KCNQ1: variants seen among roughly 807,000 people sequenced by gnomAD.
KCNQ1 encodes potassium voltage-gated channel subfamily Q member 1.
Under a neutral mutation model 72.4 loss-of-function variants are expected in KCNQ1, and 49 were observed. The ratio of observed to expected loss-of-function variants is 0.68; its 90% CI spans 0.54 to 0.86. The LOEUF (loss-of-function observed/expected upper bound fraction) is 0.86, where lower values mean the gene tolerates loss of function less well. Ranked by LOEUF, KCNQ1 falls within the 40% of genes least tolerant of loss-of-function variation. KCNQ1 has a pLI of 0.00. For missense variants in KCNQ1, 790 were observed against 945.1 expected, an observed-to-expected ratio of 0.84 and a Z score of 2.15; for synonymous variants, 450 against 412.6, an observed-to-expected ratio of 1.09 and a Z score of -1.10.
At chr11:2,542,321 G>T (rs555990415) in intron 2 of KCNQ1, among the ~76,000 whole-genome samples, 2 of 152,378 alleles carry the variant, frequency 1.3e-5, no homozygotes, top group South Asian at 4.1e-4. Flanking sequence ...GGCGGGGAAG[G>T]AAGTGCTAGG....
intron 10 of KCNQ1, chr11:2,660,256 C>A: frequency 2.5e-6 from 1 of 398,202 alleles, no homozygotes; most frequent in South Asian, 1.3e-4. Flanking sequence ...ATCATCTGTC[C>A]TATCAGGCAT....
At position 2,544,293 on chromosome 11, in the gene KCNQ1, T is replaced by TATATGTGTATATATGTATATATATAC. The variant is rs796223106; in HGVS notation, c.477+16275_477+16276insATATGTGTATATATGTATATATATAC. 2.3e-3 allele frequency among the ~76,000 whole-genome samples: 319 copies of TATATGTGTATATATGTATATATATAC among 136,480 alleles called. 12 individuals carry two copies. The highest frequency in any genetic ancestry group is 9.4e-3 in the African/African-American group (299 of 31,682). 89.5% of individuals were successfully genotyped at this position (136,480 alleles called of 152,430 possible). On this transcript the variant is annotated intron_variant, in intron 2 of 15. Coordinates refer to ENST00000155840, the MANE Select transcript of KCNQ1 (RefSeq NM_000218.3). The surrounding 1 kb of genome is among the most constrained non-coding windows in gnomAD (Gnocchi z 4.4). ...GTGTATATATATGTGTATATATATATGTATATATGTGTATATATGTATATA... is the reference window on the plus strand; with the variant it reads ...GTGTATATATATGTGTATATATATATATATGTGTATATATGTATATATATACGTATATATGTGTATATATGTATATA...
intron 11 of KCNQ1, among the ~76,000 whole-genome samples, chr11:2,739,047 A>T (rs1846004874): frequency 6.6e-6 from 1 of 152,192 alleles, no homozygotes; most frequent in South Asian, 2.1e-4. Context: ...GCTTTGAAAA[A>T]GGACTGACTT....
In KCNQ1 at chr11:2,565,542, G is replaced by A. The variant is rs182914138; in HGVS notation, c.478-5086G>A. Among the ~76,000 whole-genome samples the A allele has an allele frequency of 3.9e-5, 6 of 152,244 alleles. No homozygotes were observed. The highest frequency in any genetic ancestry group is 7.4e-5 in the Non-Finnish European group (5 of 68,018). On this transcript the variant is annotated intron_variant, in intron 2 of 15. Coordinates refer to ENST00000155840, the MANE Select transcript of KCNQ1 (RefSeq NM_000218.3). The surrounding 1 kb of genome is among the most constrained non-coding windows in gnomAD (Gnocchi z 5.6). ...ACACCTGAGAGCCAACTTATAACACGCCCCAGGATGGACATGGATTCACAC... is the reference window on the plus strand; with the variant it reads ...ACACCTGAGAGCCAACTTATAACACACCCCAGGATGGACATGGATTCACAC...
chr11:2,610,708 T>G, intron 10 of KCNQ1: 2 of 393,764 alleles, frequency 5.1e-6, no homozygotes, highest in Non-Finnish European at 8.9e-6. Flanking sequence ...CACAGTATTC[T>G]TGGTTGGCTT....
chr11:2,548,140 G>T (rs1272857581), intron 2 of KCNQ1, among the ~76,000 whole-genome samples: 1 of 152,192 alleles, frequency 6.6e-6, no homozygotes. Context: ...CCAGGCCCAG[G>T]ATAAGGTGGC....
chr11:2,805,384 C>G (rs1344082210), intron 15 of KCNQ1, among the ~76,000 whole-genome samples: 8 of 152,188 alleles, frequency 5.3e-5, no homozygotes, highest in African/African-American at 1.9e-4. Context: ...AGTGAAAACT[C>G]AAATCTATGA....
chr11:2,526,951 G>T lies in KCNQ1; in HGVS notation c.387-977G>T, dbSNP rs886779816. ...CTGGGGGCCATGTGGCCATCTCCTGGCTCTCCGGTCGCTGAGGATCCACGG... is the reference window on the plus strand; with the variant it reads ...CTGGGGGCCATGTGGCCATCTCCTGTCTCTCCGGTCGCTGAGGATCCACGG... On this transcript the variant is annotated intron_variant, in intron 1 of 15. Transcript: ENST00000155840. The surrounding 1 kb of genome is among the most constrained non-coding windows in gnomAD (Gnocchi z 6.1). 6.6e-6 allele frequency among the ~76,000 whole-genome samples: 1 copy of T among 152,242 alleles called. No homozygotes were observed. Among genetic ancestry groups the T allele is most frequent in the South Asian group, 2.1e-4 (1 of 4,828 alleles).
Position 2,478,682 on chromosome 11 carries a change from C to G in KCNQ1, c.386+33198C>G, listed in dbSNP as rs1258574303. Reference sequence around the variant, plus strand: ...TCACGATGAGATTTGGGTGGGGACACAGCCAAACCATATCATTCCACCCCG... The same window carrying G: ...TCACGATGAGATTTGGGTGGGGACAGAGCCAAACCATATCATTCCACCCCG... On this transcript the variant is annotated intron_variant, in intron 1 of 15. Coordinates refer to ENST00000155840, the MANE Select transcript of KCNQ1 (RefSeq NM_000218.3). The surrounding 1 kb of genome is among the most constrained non-coding windows in gnomAD (Gnocchi z 4.0). 6.6e-6 allele frequency among the ~76,000 whole-genome samples: 1 copy of G among 152,142 alleles called. No individual in the cohort carries two copies. The highest frequency in any genetic ancestry group is 2.4e-5 in the African/African-American group (1 of 41,424).
intron 10 of KCNQ1, chr11:2,643,255 G>C: frequency 2.5e-6 from 1 of 398,230 alleles, no homozygotes; most frequent in Non-Finnish European, 4.4e-6. Flanking sequence ...ACTGGAAATG[G>C]AGAATTGAAG....
chr11:2,517,773 G>T (rs729980), intron 1 of KCNQ1, among the ~76,000 whole-genome samples: 88,437 of 152,034 alleles, frequency 0.58, 26,252 homozygotes, highest in Non-Finnish European at 0.62. Flanking sequence ...CCTGCTGGGG[G>T]GGCCATGCCT....
At chr11:2,583,075 C>T (rs890574535) in intron 6 of KCNQ1, among the ~76,000 whole-genome samples, 3 of 152,174 alleles carry the variant, frequency 2.0e-5, no homozygotes, top group African/African-American at 7.2e-5. Flanking sequence ...GGCCGGCGCA[C>T]AGCAACGTCG....
Position 2,661,555 on chromosome 11 carries a change from TGA to T in KCNQ1, c.1394-404_1394-403del. On this transcript the variant is annotated intron_variant, in intron 10 of 15. Transcript: ENST00000155840. The surrounding 1 kb of genome is among the most constrained non-coding windows in gnomAD (Gnocchi z 5.9). ...CCTGACCCACTACTCTGTCAATGTA[TGA>T]GTGTGACAATGTATGGTGGTGGGAG... 1 of 534,676 alleles carries T rather than the reference TGA, an allele frequency of 1.9e-6. No homozygotes were observed. The highest frequency in any genetic ancestry group is 3.3e-6 in the Non-Finnish European group (1 of 301,978). The allele number at this position is 534,676 out of a possible 1,614,324, so 33.1% of individuals were successfully genotyped here. A position where few individuals can be genotyped will look rare whatever the true frequency, so the allele number is the denominator to read the frequency against.
chr11:2,826,184 G>A lies in KCNQ1; in HGVS notation c.1795-21583G>A, dbSNP rs1258911886. Among the ~76,000 whole-genome samples the A allele has an allele frequency of 1.3e-5, 2 of 152,228 alleles. No individual in the cohort carries two copies. The highest frequency in any genetic ancestry group is 4.8e-5 in the African/African-American group (2 of 41,468). On this transcript the variant is annotated intron_variant, in intron 15 of 15. Transcript: ENST00000155840. The surrounding 1 kb of genome is among the most constrained non-coding windows in gnomAD (Gnocchi z 4.2). ...CAGCCCGCAGCAGAACCTCTCCGAG[G>A]GAGTGCTATTGTTTTTCATGTCAGC...
In KCNQ1 at chr11:2,567,672, G is replaced by A. The variant is rs1477001581; in HGVS notation, c.478-2956G>A. On this transcript the variant is annotated intron_variant, in intron 2 of 15. Coordinates refer to ENST00000155840, the MANE Select transcript of KCNQ1 (RefSeq NM_000218.3). The surrounding 1 kb of genome is among the most constrained non-coding windows in gnomAD (Gnocchi z 6.6). ...CACCAGCCTAATTAACCTGACAAGC[G>A]GGGCCTCCCCAGCCATGCAGCCTTG... is the stretch of plus-strand genomic sequence containing the variant. Among the ~76,000 whole-genome samples the A allele has an allele frequency of 3.3e-5, 5 of 152,184 alleles. No homozygotes were observed. The highest frequency in any genetic ancestry group is 7.3e-5 in the Non-Finnish European group (5 of 68,036).
rs1846325896 is a variant in KCNQ1 at position 2,464,637 on chromosome 11, G to T, written c.386+19153G>T. ...GGGAGGCCTGGGGGACAGGAGTTGG[G>T]GGGGTGGGCAGTGCCTCTGTGTGGC... On this transcript the variant is annotated intron_variant, in intron 1 of 15. Transcript: ENST00000155840. The surrounding 1 kb of genome is among the most constrained non-coding windows in gnomAD (Gnocchi z 5.0). Among the ~76,000 whole-genome samples, 1 of 152,108 alleles carries T rather than the reference G, an allele frequency of 6.6e-6. No homozygotes were observed. The highest frequency in any genetic ancestry group is 1.5e-5 in the Non-Finnish European group (1 of 68,008).
rs913263749 is a variant in KCNQ1 at position 2,475,422 on chromosome 11, A to G, written c.386+29938A>G. 6.6e-6 allele frequency among the ~76,000 whole-genome samples: 1 copy of G among 152,210 alleles called. No homozygotes were observed. Among genetic ancestry groups the G allele is most frequent in the Non-Finnish European group, 1.5e-5 (1 of 68,034 alleles). ...AGAGGCTCCTTCCTGAAAGCCTGAT[A>G]CTTAGAATGGATTTAAAAACAAATT... On this transcript the variant is annotated intron_variant, in intron 1 of 15. Coordinates refer to ENST00000155840, the MANE Select transcript of KCNQ1 (RefSeq NM_000218.3). The surrounding 1 kb of genome is among the most constrained non-coding windows in gnomAD (Gnocchi z 5.8).
chr11:2,658,392 A>G lies in KCNQ1; in HGVS notation c.1394-3569A>G. ...TTTATTTTTTGAGTTATAGTCCAAT[A>G]TTATTTATTTTGTTGCTCAAATTGT... On this transcript the variant is annotated intron_variant, in intron 10 of 15. Transcript: ENST00000155840. The surrounding 1 kb of genome is among the most constrained non-coding windows in gnomAD (Gnocchi z 4.9). 1 of 398,478 alleles carries G rather than the reference A, an allele frequency of 2.5e-6. No individual in the cohort carries two copies. The highest frequency in any genetic ancestry group is 4.4e-6 in the Non-Finnish European group (1 of 226,020). The allele number at this position is 398,478 out of a possible 1,614,324, so 24.7% of individuals were successfully genotyped here.
At chr11:2,672,052 A>G (rs746651606) in intron 11 of KCNQ1, 3 of 398,584 alleles carry the variant, frequency 7.5e-6, no homozygotes, top group Non-Finnish European at 1.3e-5. Context: ...ACTCAAGCCC[A>G]GTATCCTCCC....
Sources: gnomAD v4.1 joint callset for allele counts (sites outside exome capture counted in the v4.1 genomes callset) on GRCh38, gnomAD v4.1.1 for gene constraint, Gnocchi (gnomAD v3.1) non-coding constraint, MANE v1.5 for transcripts, NCBI Gene and HGNC (gene_info 2026-07-23, HGNC 2026-07-21) for gene names.